The following CATSPERG variants were observed in gnomAD, a reference collection of about 807,000 sequenced individuals.
CATSPERG encodes the protein cation channel sperm-associated auxiliary subunit gamma.
Under a neutral mutation model 145.0 loss-of-function variants are expected in CATSPERG, and 115 were observed. That is an observed-to-expected ratio of 0.79 (90% CI 0.68 to 0.93). CATSPERG has a LOEUF of 0.93. Ranked by LOEUF, CATSPERG falls within the 40% of genes least tolerant of loss-of-function variation. The pLI is 0.00. For synonymous variants in CATSPERG, 588 were observed against 589.0 expected (o/e 1.00, Z 0.02); for missense variants, 1,296 against 1,490.1 (o/e 0.87, Z 2.14).
Position 38,367,218 on chromosome 19 carries a change from C to T in CATSPERG, c.2676C>T (p.Ile892=), listed in dbSNP as rs1410985962. The T allele has an allele frequency of 6.2e-7, 1 of 1,614,024 alleles. No individual in the cohort carries two copies. Among genetic ancestry groups the T allele is most frequent in the Middle Eastern group, 1.6e-4 (1 of 6,062 alleles). ...CPPGKRLAFD[I]TYTLEYSRLK... is the part of the protein sequence containing the mutation. ...CAGGCAAGCGCCTGGCCTTCGACATCACCTACACGCTGGAATACAGCCGCC... is the reference window on the plus strand; with the variant it reads ...CAGGCAAGCGCCTGGCCTTCGACATTACCTACACGCTGGAATACAGCCGCC... The change falls in exon 23 of 29, where the codon ATC becomes ATT. Residue 892 remains isoleucine (I), a synonymous_variant. Transcript: ENST00000409235.
intron 16 of CATSPERG, 24 bp from the exon 17 acceptor site, chr19:38,361,624 C>A: frequency 3.1e-6 from 5 of 1,592,698 alleles, no homozygotes; most frequent in Admixed American, 1.7e-5. Flanking sequence ...GAGCCAGCAG[C>A]CTTTCCCCCT....
chr19:38,344,456 T>C (rs1415401200), intron 6 of CATSPERG, 88 bp downstream of exon 6: 1 of 1,179,302 alleles, frequency 8.5e-7, no homozygotes, highest in Non-Finnish European at 1.2e-6. Context: ...CAGATCCCAT[T>C]TAGGGAGCAC....
intron 22 of CATSPERG, chr19:38,366,048 G>A: frequency 6.6e-6 from 1 of 152,282 alleles, no homozygotes; most frequent in Non-Finnish European, 1.5e-5. Flanking sequence ...GTGGCATAAG[G>A]GCTGGCCTGG....
At chr19:38,342,475 G>A (rs1200166299) in intron 3 of CATSPERG, among the ~76,000 whole-genome samples, 1 of 151,436 alleles carries the variant, frequency 6.6e-6, no homozygotes, top group Non-Finnish European at 1.5e-5. Flanking sequence ...TGGTGCACGT[G>A]TGTAGTCCCA....
Position 38,360,599 on chromosome 19 carries a change from C to T in CATSPERG, c.1719C>T (p.Ser573=). 6.2e-7 allele frequency: 1 copy of T among 1,614,208 alleles called. No individual in the cohort carries two copies. The highest frequency in any genetic ancestry group is 8.5e-7 in the Non-Finnish European group (1 of 1,180,034). ...KLMQQSSLYA[S]NETMLTLFYE... The stretch of plus-strand genomic sequence containing the variant: ...TGCAACAGTCCTCTCTCTACGCATC[C>T]AATGAGACCATGCTGACCCTCTTCT... Residue 573 remains serine (S), a synonymous_variant, in exon 15 of 29, where the codon TCC becomes TCT. Coordinates refer to ENST00000409235, the MANE Select transcript of CATSPERG (RefSeq NM_021185.5).
chr19:38,356,346 G>A, intron 9 of CATSPERG, 138 bp from the exon 10 acceptor site: 2 of 695,446 alleles, frequency 2.9e-6, no homozygotes, highest in Non-Finnish European at 5.1e-6. Context: ...TAGGCCAGGT[G>A]TGAGTGACGA....
In CATSPERG at chr19:38,335,837, C is replaced by T; in HGVS notation, c.-53C>T. On this transcript the variant is annotated 5_prime_UTR_variant, in exon 1 of 29. Transcript: ENST00000409235. ...CCGGGCAAGAGGGGCGGGACTGGTGCGGCCGAGTGACAGTTGACCGGTTTT... is the reference window on the plus strand; with the variant it reads ...CCGGGCAAGAGGGGCGGGACTGGTGTGGCCGAGTGACAGTTGACCGGTTTT... 5.0e-6 allele frequency: 1 copy of T among 199,116 alleles called. No individual in the cohort carries two copies. Among genetic ancestry groups the T allele is most frequent in the Non-Finnish European group, 1.0e-5 (1 of 95,678 alleles). 12.3% of individuals were successfully genotyped at this position (199,116 alleles called of 1,614,324 possible). A position where few individuals can be genotyped will look rare whatever the true frequency, so the allele number is the denominator to read the frequency against.
intron 9 of CATSPERG, 122 bp downstream of exon 9, chr19:38,354,969 G>A: frequency 8.8e-7 from 1 of 1,136,358 alleles, no homozygotes; most frequent in Non-Finnish European, 1.3e-6. Context: ...TAGGCTGAGG[G>A]TGATGGTGGT....
chr19:38,357,138 G>A (rs1481931307), intron 11 of CATSPERG, among the ~76,000 whole-genome samples: 1 of 152,144 alleles, frequency 6.6e-6, no homozygotes, highest in Non-Finnish European at 1.5e-5. Flanking sequence ...ACCCCCAACC[G>A]AGGGGTCAGA....
chr19:38,351,871 C>T (rs1014859299), intron 7 of CATSPERG, among the ~76,000 whole-genome samples: 1 of 152,112 alleles, frequency 6.6e-6, no homozygotes, highest in East Asian at 1.9e-4. Context: ...ATGATCATAC[C>T]ACTCCAGCCT....
intron 16 of CATSPERG, 68 bp downstream of exon 16, chr19:38,360,911 C>G: frequency 7.6e-7 from 1 of 1,320,212 alleles, no homozygotes; most frequent in Non-Finnish European, 1.1e-6. Context: ...AGCTACCATT[C>G]TTGAGAGAGG....
chr19:38,369,976 C>T lies in CATSPERG; in HGVS notation c.3025C>T (p.Leu1009Phe), dbSNP rs1368727876. The change falls in exon 27 of 29, where the codon CTC becomes TTC. Residue 1009 changes from leucine to phenylalanine, a missense_variant. Leu to Phe is a conservative substitution (Grantham distance 22). Transcript: ENST00000409235. ...MSHESPGIEW[L>F]CLENAPCYDN... ...TGCCTGATCTTTGGCTTGCAGGTGGCTCTGTCTGGAGAATGCCCCATGCTA... is the reference window on the plus strand; with the variant it reads ...TGCCTGATCTTTGGCTTGCAGGTGGTTCTGTCTGGAGAATGCCCCATGCTA... The T allele has an allele frequency of 6.2e-7, 1 of 1,614,164 alleles. No homozygotes were observed. The highest frequency in any genetic ancestry group is 1.3e-5 in the African/African-American group (1 of 75,056).
In CATSPERG at chr19:38,362,190, G is replaced by A. The variant is rs1457776142; in HGVS notation, c.2095-20G>A. ...CGCCCCGCTGCCCAATCCCTTCACG[G>A]TGCCGGGCGATCCCTGCAGCCGTAC... is the stretch of plus-strand genomic sequence containing the variant. On this transcript the variant is annotated intron_variant, in intron 17 of 28. Coordinates refer to ENST00000409235, the MANE Select transcript of CATSPERG (RefSeq NM_021185.5). 1.9e-6 allele frequency: 3 copies of A among 1,571,082 alleles called. No individual in the cohort carries two copies. Among genetic ancestry groups the A allele is most frequent in the Non-Finnish European group, 2.6e-6 (3 of 1,158,304 alleles).
intron 7 of CATSPERG, among the ~76,000 whole-genome samples, chr19:38,346,945 T>C (rs1970051171): frequency 2.6e-5 from 4 of 152,212 alleles, no homozygotes; most frequent in Admixed American, 1.3e-4. Context: ...GTGCAGAGGC[T>C]CATGCCTATA....
rs1969985396 is a variant in CATSPERG, at chr19:38,344,132, A to C, written c.596+13A>C. On this transcript the variant is annotated intron_variant, in intron 5 of 28. Transcript: ENST00000409235. ...TTCCAGATAAAAGGTACCCTTTCCC[A>C]AGACGGGGGCTGGGGTGGACTCCGG... 1 of 1,551,476 alleles carries C rather than the reference A, an allele frequency of 6.4e-7. No homozygotes were observed. Among genetic ancestry groups the C allele is most frequent in the East Asian group, 2.4e-5 (1 of 40,914 alleles).
intron 1 of CATSPERG, 188 bp from the exon 2 acceptor site, chr19:38,337,033 G>T (rs1017132329): frequency 2.9e-6 from 2 of 682,810 alleles, no homozygotes. Flanking sequence ...CTAAAAGTCC[G>T]TGCGGGGGCA....
chr19:38,352,481 A>G, intron 8 of CATSPERG, 49 bp downstream of exon 8: 1 of 1,528,204 alleles, frequency 6.5e-7, no homozygotes, highest in Non-Finnish European at 8.9e-7. Flanking sequence ...ACCCTGGTGA[A>G]CCCCTCCACT....
chr19:38,351,484 T>G (rs1055020258), intron 7 of CATSPERG, among the ~76,000 whole-genome samples: 1 of 151,930 alleles, frequency 6.6e-6, no homozygotes, highest in Non-Finnish European at 1.5e-5. Context: ...GGTAGGTGCC[T>G]GTAGTCCCAG....
chr19:38,360,970 G>A (rs2145099772), intron 16 of CATSPERG, 127 bp downstream of exon 16: 1 of 770,378 alleles, frequency 1.3e-6, no homozygotes. Flanking sequence ...GATGGCAGGA[G>A]TTCAGCACTT....
Sources: allele counts gnomAD v4.1 joint callset (sites outside exome capture counted in the v4.1 genomes callset), GRCh38; gene constraint gnomAD v4.1.1; transcripts MANE v1.5; gene names NCBI Gene and HGNC (gene_info 2026-07-23, HGNC 2026-07-21).